The following ENTREP2 variants were observed in gnomAD, a reference collection of about 807,000 sequenced individuals.
ENTREP2 encodes the protein endosomal transmembrane epsin interactor 2.
the ENTREP2 span, among the ~76,000 whole-genome samples, chr15:29,451,073 T>A: frequency 3.3e-5 from 5 of 152,010 alleles, no homozygotes; most frequent in African/African-American, 1.2e-4. Flanking sequence ...TTTACCTGTA[T>A]AACAAACCTG....
At chr15:29,271,271 TC>T in the ENTREP2 span, among the ~76,000 whole-genome samples, 1 of 152,234 alleles carries the variant, frequency 6.6e-6, no homozygotes, top group South Asian at 2.1e-4. Flanking sequence ...AGAAAATTCA[TC>T]TGCTTCAGTT....
chr15:29,542,277 A>G, the ENTREP2 span, among the ~76,000 whole-genome samples: 2 of 152,040 alleles, frequency 1.3e-5, no homozygotes, highest in African/African-American at 2.4e-5. Context: ...GGCCTCCCCA[A>G]GTGCTGGGAT....
chr15:29,309,889 T>C, the ENTREP2 span, among the ~76,000 whole-genome samples: 10 of 152,132 alleles, frequency 6.6e-5, no homozygotes, highest in Admixed American at 5.9e-4. Context: ...AAGCCTGGCA[T>C]GCATGGCCCT....
chr15:29,478,316 C>G, the ENTREP2 span, among the ~76,000 whole-genome samples: 5 of 151,832 alleles, frequency 3.3e-5, no homozygotes, highest in Admixed American at 6.6e-5. Flanking sequence ...TGTGAGCCAC[C>G]GCGTCCAGCC....
chr15:29,177,193 T>C, the ENTREP2 span, among the ~76,000 whole-genome samples: 60,813 of 151,486 alleles, frequency 0.4, 12,530 homozygotes, highest in East Asian at 0.55. Context: ...TGGGGGAGGA[T>C]GGCAGGGAGT....
At chr15:29,626,545 T>C in the ENTREP2 span, among the ~76,000 whole-genome samples, 110 of 152,322 alleles carry the variant, frequency 7.2e-4, 1 homozygote, top group East Asian at 0.019. Flanking sequence ...CAATCTTGAG[T>C]ATGTCTTTAT....
the ENTREP2 span, among the ~76,000 whole-genome samples, chr15:29,139,132 T>G: frequency 0.56 from 84,512 of 151,792 alleles, 24,032 homozygotes; most frequent in Non-Finnish European, 0.6. Flanking sequence ...TGCACGGGTA[T>G]GGGTGAGGTG....
At chr15:29,533,992 T>C in the ENTREP2 span, among the ~76,000 whole-genome samples, 1 of 150,888 alleles carries the variant, frequency 6.6e-6, no homozygotes, top group Non-Finnish European at 1.5e-5. Context: ...TGGAGACGCA[T>C]TAGGTGGCAA....
At chr15:29,128,691 AAAGAGAAGAG>A in the ENTREP2 span, 3 of 943,760 alleles carry the variant, frequency 3.2e-6, no homozygotes, top group South Asian at 2.8e-5. Flanking sequence ...GGAGGAGGAA[AAAGAGAAGAG>A]AAGAGAAGAG....
At chr15:29,599,664 C>T in the ENTREP2 span, among the ~76,000 whole-genome samples, 2 of 152,188 alleles carry the variant, frequency 1.3e-5, no homozygotes, top group African/African-American at 4.8e-5. Flanking sequence ...GTGTGTAAGA[C>T]AGCACCATTG....
chr15:29,600,439 CCATCATCATCAT>C, the ENTREP2 span, among the ~76,000 whole-genome samples: 77 of 141,800 alleles, frequency 5.4e-4, 1 homozygote, highest in African/African-American at 1.9e-3. Context: ...TTCTCTCCCA[CCATCATCATCAT>C]CATCATCATC....
At chr15:29,120,511 C>G in the ENTREP2 span, 1 of 152,316 alleles carries the variant, frequency 6.6e-6, no homozygotes, top group African/African-American at 2.4e-5. Flanking sequence ...ACCTGAAGTC[C>G]TTGCGGATGA....
At chr15:29,125,325 G>A in the ENTREP2 span, among the ~76,000 whole-genome samples, 2 of 152,172 alleles carry the variant, frequency 1.3e-5, no homozygotes, top group African/African-American at 2.4e-5. Flanking sequence ...GGTTTGACGG[G>A]ACTCTCTCCC....
At chr15:29,171,072 C>T in the ENTREP2 span, among the ~76,000 whole-genome samples, 2 of 152,258 alleles carry the variant, frequency 1.3e-5, no homozygotes, top group East Asian at 3.9e-4. Flanking sequence ...CCCACTCTCA[C>T]CATAACTAAC....
the ENTREP2 span, among the ~76,000 whole-genome samples, chr15:29,657,248 A>C: frequency 6.6e-6 from 1 of 151,060 alleles, no homozygotes; most frequent in Non-Finnish European, 1.5e-5. Flanking sequence ...TTTAGTGGCT[A>C]CAGGGTTTCA....
the ENTREP2 span, among the ~76,000 whole-genome samples, chr15:29,538,445 A>G: frequency 6.6e-6 from 1 of 152,124 alleles, no homozygotes; most frequent in African/African-American, 2.4e-5. Context: ...AAGTGAGGGC[A>G]TGAAGAGAGG....
At chr15:29,573,961 A>C in the ENTREP2 span, among the ~76,000 whole-genome samples, 1 of 152,186 alleles carries the variant, frequency 6.6e-6, no homozygotes, top group Non-Finnish European at 1.5e-5. Context: ...GGGAGATAAA[A>C]GTAGTTAAAG....
the ENTREP2 span, among the ~76,000 whole-genome samples, chr15:29,487,777 C>T: frequency 6.6e-6 from 1 of 152,220 alleles, no homozygotes; most frequent in Non-Finnish European, 1.5e-5. Flanking sequence ...ACTGCAACCT[C>T]CACCTCCTGG....
the ENTREP2 span, among the ~76,000 whole-genome samples, chr15:29,515,166 A>C: frequency 2.2e-3 from 333 of 152,342 alleles, no homozygotes; most frequent in African/African-American, 7.5e-3. Context: ...CCATGGAACA[A>C]ATCCTGACTG....
Sources: gnomAD v4.1 joint callset for allele counts (sites outside exome capture counted in the v4.1 genomes callset) on GRCh38, gnomAD v4.1.1 for gene constraint, MANE v1.5 for transcripts, NCBI Gene and HGNC (gene_info 2026-07-23, HGNC 2026-07-21) for gene names.